Variants in SMYD3 observed in about 807,000 individuals in gnomAD.
SMYD3 encodes histone-lysine N-methyltransferase SMYD3.
In SMYD3, 36 loss-of-function variants were observed where a neutral mutation model predicts 57.7. That is an observed-to-expected ratio of 0.62 (90% confidence interval 0.48 to 0.82). The LOEUF is 0.82. Among genes scored for constraint, SMYD3 ranks in the 40% least tolerant of loss-of-function variants. The pLI is 0.00. For synonymous variants in SMYD3, 211 were observed against 195.0 expected (o/e 1.08, Z -0.68); for missense variants, 515 against 538.8 (o/e 0.96, Z 0.44).
At chr1:246,055,520 T>C (rs141284361) in intron 5 of SMYD3, among the ~76,000 whole-genome samples, 15 of 152,340 alleles carry the variant, frequency 9.8e-5, no homozygotes, top group African/African-American at 2.9e-4. Flanking sequence ...CCTGAAGAGC[T>C]GAAAGCACAG....
At chr1:246,121,631 T>C (rs529741487) in intron 5 of SMYD3, among the ~76,000 whole-genome samples, 1 of 152,164 alleles carries the variant, frequency 6.6e-6, no homozygotes, top group Non-Finnish European at 1.5e-5. Flanking sequence ...TATCTCTCTT[T>C]CATGTCCTAA....
intron 5 of SMYD3, chr1:245,956,091 T>C: frequency 1.0e-6 from 1 of 981,202 alleles, no homozygotes; most frequent in Non-Finnish European, 1.2e-6. Context: ...TTTCTATTTT[T>C]TCATTTTTCA....
chr1:246,004,887 C>G (rs1012450238), intron 5 of SMYD3, among the ~76,000 whole-genome samples: 2 of 152,136 alleles, frequency 1.3e-5, no homozygotes, highest in Non-Finnish European at 1.5e-5. Context: ...CTCTGTCACC[C>G]AGGTTGGAGA....
intron 1 of SMYD3, among the ~76,000 whole-genome samples, chr1:246,360,649 C>T (rs1222515830): frequency 6.6e-6 from 1 of 152,112 alleles, no homozygotes; most frequent in Non-Finnish European, 1.5e-5. Flanking sequence ...AACCCAAATA[C>T]TGACAGCTAA....
intron 1 of SMYD3, among the ~76,000 whole-genome samples, chr1:246,398,669 C>G (rs371610034): frequency 3.8e-4 from 58 of 152,202 alleles, no homozygotes; most frequent in African/African-American, 1.3e-3. Flanking sequence ...AAGCACAGAG[C>G]ACAAAGAGGG....
intron 1 of SMYD3, among the ~76,000 whole-genome samples, chr1:246,396,186 C>T (rs887669498): frequency 6.6e-6 from 1 of 152,130 alleles, no homozygotes; most frequent in Non-Finnish European, 1.5e-5. Flanking sequence ...ATGAGTTGCT[C>T]ATATATAAAT....
chr1:246,221,094 C>G (rs892813712), intron 5 of SMYD3, among the ~76,000 whole-genome samples: 1 of 152,068 alleles, frequency 6.6e-6, no homozygotes, highest in Admixed American at 6.5e-5. Flanking sequence ...ACTCTAGGGC[C>G]TCCTCTCTGC....
intron 1 of SMYD3, among the ~76,000 whole-genome samples, chr1:246,368,121 G>A (rs1480226210): frequency 6.6e-6 from 1 of 152,012 alleles, no homozygotes; most frequent in Non-Finnish European, 1.5e-5. Flanking sequence ...ATAAAAACTG[G>A]GCAAAATTAA....
At chr1:246,360,850 A>G (rs145837812) in intron 1 of SMYD3, among the ~76,000 whole-genome samples, 19,133 of 152,264 alleles carry the variant, frequency 0.13, 1,535 homozygotes, top group East Asian at 0.18. Flanking sequence ...AAAATTCTAG[A>G]AGATAACATC....
At chr1:246,228,815 CCTT>C (rs1453843730) in intron 5 of SMYD3, among the ~76,000 whole-genome samples, 1 of 143,164 alleles carries the variant, frequency 7.0e-6, no homozygotes, top group South Asian at 2.5e-4. Flanking sequence ...CTAAAAGAAG[CCTT>C]CTTTTTTTTA....
At position 245,839,119 on chromosome 1, in the gene SMYD3, A is replaced by G. The variant is rs577595488; in HGVS notation, c.1076+19377T>C. On this transcript the variant is annotated intron_variant, in intron 10 of 11. Transcript: ENST00000490107. ...TCTCCTTGCCAATCACTGCCTTCTC[A>G]CTCACTCTCATTTTGAAACCCTCAC... 4.9e-4 allele frequency among the ~76,000 whole-genome samples: 74 copies of G among 151,682 alleles called. 1 individual carries two copies. The South Asian group carries it at 0.015, about 31-fold the overall frequency.
intron 1 of SMYD3, among the ~76,000 whole-genome samples, chr1:246,476,697 A>G (rs1431414033): frequency 6.6e-6 from 1 of 152,254 alleles, no homozygotes; most frequent in Non-Finnish European, 1.5e-5. Flanking sequence ...TCAAGACCCA[A>G]CTAAAAAGAA....
chr1:246,029,451 C>T (rs1019554582), intron 5 of SMYD3, among the ~76,000 whole-genome samples: 35 of 152,104 alleles, frequency 2.3e-4, no homozygotes, highest in Middle Eastern at 6.8e-3. Flanking sequence ...GCGGGCAGAT[C>T]ACCTGAGGTC....
At chr1:245,787,439 C>T (rs1055703108) in intron 10 of SMYD3, among the ~76,000 whole-genome samples, 3 of 152,170 alleles carry the variant, frequency 2.0e-5, no homozygotes, top group South Asian at 2.1e-4. Flanking sequence ...TTTGTCTTTA[C>T]TCCCTTTCCA....
intron 5 of SMYD3, among the ~76,000 whole-genome samples, chr1:246,069,516 G>T (rs1250805994): frequency 6.6e-6 from 1 of 152,194 alleles, no homozygotes; most frequent in African/African-American, 2.4e-5. Flanking sequence ...TGTTGCCAGA[G>T]ATTAAACATA....
At chr1:246,426,916 A>G (rs1237407416) in intron 1 of SMYD3, among the ~76,000 whole-genome samples, 2 of 152,030 alleles carry the variant, frequency 1.3e-5, no homozygotes, top group African/African-American at 2.4e-5. Flanking sequence ...AAAAGAAAAT[A>G]TATATAAAAT....
intron 5 of SMYD3, among the ~76,000 whole-genome samples, chr1:245,969,426 G>C (rs1279112006): frequency 6.6e-6 from 1 of 152,212 alleles, no homozygotes; most frequent in African/African-American, 2.4e-5. Flanking sequence ...AAACCACTAA[G>C]CAAAGCCTCG....
intron 10 of SMYD3, among the ~76,000 whole-genome samples, chr1:245,855,317 A>G (rs1453011008): frequency 9.8e-6 from 1 of 101,930 alleles, no homozygotes; most frequent in Non-Finnish European, 2.9e-5. Context: ...CTCCGTTTTT[A>G]GGGGCTGGGG....
At chr1:246,246,237 C>T (rs1416967245) in intron 5 of SMYD3, among the ~76,000 whole-genome samples, 1 of 152,128 alleles carries the variant, frequency 6.6e-6, no homozygotes, top group Non-Finnish European at 1.5e-5. Flanking sequence ...TCTTCTCTTC[C>T]CCTTTACTAC....
Sources: allele counts gnomAD v4.1 joint callset (sites outside exome capture counted in the v4.1 genomes callset), GRCh38; gene constraint gnomAD v4.1.1; transcripts MANE v1.5; gene names NCBI Gene and HGNC (gene_info 2026-07-23, HGNC 2026-07-21).